PODXL2: variants seen among roughly 807,000 people sequenced by gnomAD.
The protein encoded by PODXL2 is podocalyxin like 2.
PODXL2 carries 17 observed loss-of-function variants against 53.4 expected under a neutral mutation model. That is an observed-to-expected ratio of 0.32 (90% CI 0.22 to 0.48). The LOEUF (loss-of-function observed/expected upper bound fraction) is 0.48, where lower values mean the gene tolerates loss of function less well. Among genes scored for constraint, PODXL2 ranks in the 20% least tolerant of loss-of-function variants. The pLI is 0.99. For synonymous variants in PODXL2, 311 were observed against 306.7 expected (o/e 1.01, Z -0.15); for missense variants, 673 against 760.0 (o/e 0.89, Z 1.35).
At chr3:127,672,024 G>C (rs1172858865) in intron 7 of PODXL2, among the ~76,000 whole-genome samples, 1 of 152,234 alleles carries the variant, frequency 6.6e-6, no homozygotes, top group African/African-American at 2.4e-5. Flanking sequence ...CCTCGCAAGT[G>C]GAGTCTTCTT....
chr3:127,669,954 T>C (rs958463265), intron 6 of PODXL2, among the ~76,000 whole-genome samples: 3 of 152,300 alleles, frequency 2.0e-5, no homozygotes, highest in East Asian at 1.9e-4. Flanking sequence ...CACTGTAGAG[T>C]CCAGTGCCCT....
chr3:127,642,667 T>G (rs1216434290), intron 2 of PODXL2, among the ~76,000 whole-genome samples: 1 of 152,186 alleles, frequency 6.6e-6, no homozygotes, highest in Non-Finnish European at 1.5e-5. Flanking sequence ...CTTTGATTAC[T>G]AGTATATTTT....
At chr3:127,631,011 G>A (rs892963143) in intron 1 of PODXL2, among the ~76,000 whole-genome samples, 1 of 152,186 alleles carries the variant, frequency 6.6e-6, no homozygotes, top group African/African-American at 2.4e-5. Context: ...CCTCTCTCCC[G>A]TGCATGCTCT....
intron 6 of PODXL2, among the ~76,000 whole-genome samples, chr3:127,670,450 C>T (rs922823466): frequency 7.9e-5 from 12 of 152,212 alleles, no homozygotes; most frequent in African/African-American, 2.4e-4. Context: ...ATACAGTCCT[C>T]CCCCTGCTTT....
At chr3:127,647,936 G>T (rs1027502860) in intron 2 of PODXL2, among the ~76,000 whole-genome samples, 8 of 152,276 alleles carry the variant, frequency 5.3e-5, no homozygotes, top group African/African-American at 1.9e-4. Flanking sequence ...TAGAATTGAG[G>T]TGCTATTAAC....
intron 5 of PODXL2, 52 bp downstream of exon 5, chr3:127,668,649 G>A (rs1383318963): frequency 1.5e-5 from 22 of 1,427,978 alleles, no homozygotes; most frequent in African/African-American, 1.0e-4. Context: ...GGAGGCGGGC[G>A]GCCCCTGAGG....
chr3:127,635,600 G>T (rs151015761), intron 1 of PODXL2, among the ~76,000 whole-genome samples: 103 of 152,298 alleles, frequency 6.8e-4, no homozygotes, highest in African/African-American at 2.3e-3. Flanking sequence ...CAGATTCTCA[G>T]TTCTTAAGAT....
chr3:127,638,100 C>T (rs546303751), intron 1 of PODXL2, among the ~76,000 whole-genome samples: 7 of 152,238 alleles, frequency 4.6e-5, no homozygotes, highest in African/African-American at 1.4e-4. Context: ...ATTTAGCTTC[C>T]TTGTCTATCT....
At chr3:127,634,866 G>C (rs1480366019) in intron 1 of PODXL2, among the ~76,000 whole-genome samples, 4 of 152,230 alleles carry the variant, frequency 2.6e-5, no homozygotes, top group Admixed American at 6.5e-5. Flanking sequence ...AGTCTGAGAA[G>C]CGCTGATTAG....
chr3:127,669,198 A>G lies in PODXL2; in HGVS notation c.1421A>G (p.Glu474Gly). ...SMLGDIRRSL[E>G]EIGIQNYSTT... ...CTGGGTGACATCCGCAGGAGCCTGGAGGAGGTAAGAGTGCAGGGACCTGGA... is the reference window on the plus strand; with the variant it reads ...CTGGGTGACATCCGCAGGAGCCTGGGGGAGGTAAGAGTGCAGGGACCTGGA... The change falls in exon 6 of 8, where the codon GAG becomes GGG. Residue 474 changes from glutamate to glycine, a missense_variant. Physicochemically the swap from Glu to Gly is moderately conservative, Grantham distance 98. Around this residue, in one of 3 missense-constraint regions of PODXL2, gnomAD observed 588 missense variants for 668.3 expected, o/e 0.88. Transcript: ENST00000342480. 1 of 1,604,744 alleles carries G rather than the reference A, an allele frequency of 6.2e-7. No individual in the cohort carries two copies. Among genetic ancestry groups the G allele is most frequent in the Non-Finnish European group, 8.5e-7 (1 of 1,175,216 alleles).
At chr3:127,631,195 C>G (rs1454465025) in intron 1 of PODXL2, among the ~76,000 whole-genome samples, 1 of 152,134 alleles carries the variant, frequency 6.6e-6, no homozygotes, top group Non-Finnish European at 1.5e-5. Context: ...TTGTCGCTGA[C>G]ACTTAAGGGT....
At chr3:127,661,212 G>A in intron 3 of PODXL2, 53 bp downstream of exon 3, 1 of 1,401,880 alleles carries the variant, frequency 7.1e-7, no homozygotes, top group East Asian at 2.3e-5. Flanking sequence ...ACAGAGCCTG[G>A]CCATCCCCAG....
intron 2 of PODXL2, among the ~76,000 whole-genome samples, chr3:127,658,450 A>T: frequency 6.8e-6 from 1 of 146,172 alleles, no homozygotes. Context: ...AACTTACTTA[A>T]ATCTCTTGGA....
chr3:127,651,018 G>A (rs151169339), intron 2 of PODXL2, among the ~76,000 whole-genome samples: 2 of 152,096 alleles, frequency 1.3e-5, no homozygotes, highest in African/African-American at 4.8e-5. Context: ...TAATCCCAAC[G>A]CTTCGGGAGG....
intron 2 of PODXL2, among the ~76,000 whole-genome samples, chr3:127,645,792 A>G (rs1185075934): frequency 6.6e-6 from 1 of 152,168 alleles, no homozygotes; most frequent in Admixed American, 6.5e-5. Flanking sequence ...AGCCCAGGGG[A>G]CAGTGGCGTG....
chr3:127,646,150 G>A (rs1029285753), intron 2 of PODXL2, among the ~76,000 whole-genome samples: 10 of 152,168 alleles, frequency 6.6e-5, no homozygotes, highest in African/African-American at 2.2e-4. Context: ...CTCATTTAAC[G>A]TCCACTGAAA....
intron 1 of PODXL2, among the ~76,000 whole-genome samples, chr3:127,639,029 TC>T (rs1484612984): frequency 6.6e-6 from 1 of 152,190 alleles, no homozygotes; most frequent in Non-Finnish European, 1.5e-5. Flanking sequence ...TCCATCTGTC[TC>T]CCCTTGCCCC....
intron 2 of PODXL2, among the ~76,000 whole-genome samples, chr3:127,649,383 G>A (rs532797140): frequency 3.3e-5 from 5 of 152,184 alleles, no homozygotes; most frequent in Admixed American, 1.3e-4. Flanking sequence ...GACTGTGAGC[G>A]TCCCTAATCG....
At chr3:127,645,181 C>A (rs1258667701) in intron 2 of PODXL2, among the ~76,000 whole-genome samples, 3 of 152,266 alleles carry the variant, frequency 2.0e-5, no homozygotes, top group African/African-American at 4.8e-5. Context: ...ATTAGCTCAT[C>A]ATCAGCTTGT....
Sources: allele counts gnomAD v4.1 joint callset (sites outside exome capture counted in the v4.1 genomes callset), GRCh38; gene constraint gnomAD v4.1.1; regional missense constraint gnomAD v4.1.1; transcripts MANE v1.5; gene names NCBI Gene and HGNC (gene_info 2026-07-23, HGNC 2026-07-21).